Variants in PHKB observed in about 807,000 individuals in gnomAD.
PHKB encodes phosphorylase b kinase regulatory subunit beta.
PHKB carries 122 observed loss-of-function variants against 152.1 expected under a neutral mutation model. The ratio of observed to expected loss-of-function variants is 0.80; its 90% CI spans 0.69 to 0.93. The LOEUF (loss-of-function observed/expected upper bound fraction) is 0.93. Ranked by LOEUF, PHKB falls within the 40% of genes least tolerant of loss-of-function variation. The pLI, the probability that PHKB is intolerant of heterozygous loss-of-function variation, is 0.00. For missense variants in PHKB, 1,304 were observed against 1,328.4 expected, an observed-to-expected ratio of 0.98 and a Z score of 0.29; for synonymous variants, 436 against 464.9, an observed-to-expected ratio of 0.94 and a Z score of 0.80.
At chr16:47,500,369 C>G (rs1970305125) in intron 3 of PHKB, among the ~76,000 whole-genome samples, 1 of 152,116 alleles carries the variant, frequency 6.6e-6, no homozygotes, top group East Asian at 1.9e-4. Context: ...TTATATCAGA[C>G]CAGTTCTAAG....
chr16:47,685,296 A>G (rs1333683052), intron 26 of PHKB, among the ~76,000 whole-genome samples: 1 of 152,124 alleles, frequency 6.6e-6, no homozygotes, highest in Non-Finnish European at 1.5e-5. Context: ...GTGGTGGCGC[A>G]CGCCTGTAAT....
chr16:47,461,945 T>G (rs1047944319), intron 1 of PHKB, among the ~76,000 whole-genome samples: 6 of 152,136 alleles, frequency 3.9e-5, no homozygotes, highest in Non-Finnish European at 8.8e-5. Context: ...TAGCAGAAAC[T>G]GAAGGAGACT....
intron 26 of PHKB, among the ~76,000 whole-genome samples, chr16:47,680,354 C>T (rs1365535618): frequency 2.0e-5 from 3 of 152,284 alleles, no homozygotes; most frequent in African/African-American, 7.2e-5. Context: ...GTACCAGCTC[C>T]TCCTTGTACC....
chr16:47,614,303 A>C (rs1972479504), intron 14 of PHKB, among the ~76,000 whole-genome samples: 1 of 152,198 alleles, frequency 6.6e-6, no homozygotes, highest in Non-Finnish European at 1.5e-5. Flanking sequence ...CCCTACCTTC[A>C]ACACTGGAGA....
intron 26 of PHKB, among the ~76,000 whole-genome samples, chr16:47,671,444 TTTTC>T (rs1218134811): frequency 6.6e-6 from 1 of 152,176 alleles, no homozygotes; most frequent in African/African-American, 2.4e-5. Context: ...TTCATAATTG[TTTTC>T]TTTCTTTTAC....
intron 26 of PHKB, among the ~76,000 whole-genome samples, chr16:47,683,574 T>G (rs1414496884): frequency 6.6e-6 from 1 of 152,182 alleles, no homozygotes; most frequent in African/African-American, 2.4e-5. Flanking sequence ...AGGTGTGGGA[T>G]ATAATCTCCT....
chr16:47,648,434 T>C, intron 16 of PHKB, 99 bp from the exon 17 acceptor site: 1 of 887,716 alleles, frequency 1.1e-6, no homozygotes, highest in East Asian at 2.5e-5. Flanking sequence ...CTAGCTTCTT[T>C]CTCTCTGGAA....
At chr16:47,557,223 A>G (rs1971389472) in intron 7 of PHKB, among the ~76,000 whole-genome samples, 1 of 152,190 alleles carries the variant, frequency 6.6e-6, no homozygotes, top group Non-Finnish European at 1.5e-5. Flanking sequence ...ACCTTATACA[A>G]AAATTAATTC....
intron 6 of PHKB, among the ~76,000 whole-genome samples, chr16:47,532,500 A>G (rs1970878442): frequency 6.6e-6 from 1 of 152,202 alleles, no homozygotes; most frequent in South Asian, 2.1e-4. Context: ...AGGATGAGCC[A>G]GATGTGGAGT....
intron 29 of PHKB, among the ~76,000 whole-genome samples, 159 bp downstream of exon 29, chr16:47,696,647 T>C (rs1248384433): frequency 1.3e-5 from 2 of 152,060 alleles, no homozygotes; most frequent in African/African-American, 4.8e-5. Flanking sequence ...GGAACCTTGA[T>C]CTCTCCCAGC....
At chr16:47,665,668 C>A (rs578170464) in intron 25 of PHKB, 2 of 516,566 alleles carry the variant, frequency 3.9e-6, no homozygotes, top group South Asian at 4.2e-5. Context: ...ATTAGGTTTT[C>A]TTTTTTTGCT....
Position 47,566,156 on chromosome 16 carries a change from T to A in PHKB, c.711-14139T>A, listed in dbSNP as rs1462316068. Reference sequence around the variant, plus strand: ...CATCATAGCGATCCCAGTCGCCGTATCAATCCATATCCCTGCATGGGCCAT... The same window carrying A: ...CATCATAGCGATCCCAGTCGCCGTAACAATCCATATCCCTGCATGGGCCAT... On this transcript the variant is annotated intron_variant, in intron 7 of 30. Coordinates refer to ENST00000323584, the MANE Select transcript of PHKB (RefSeq NM_000293.3). 4.6e-6 allele frequency: 3 copies of A among 651,598 alleles called. No homozygotes were observed. The Admixed American group carries it at 7.3e-5, about 16-fold the overall frequency. 40.4% of individuals were successfully genotyped at this position (651,598 alleles called of 1,614,324 possible). A position where few individuals can be genotyped will look rare whatever the true frequency, so the allele number is the denominator to read the frequency against.
At chr16:47,563,709 GGAT>G (rs1404898540) in intron 7 of PHKB, among the ~76,000 whole-genome samples, 4 of 152,004 alleles carry the variant, frequency 2.6e-5, no homozygotes, top group Non-Finnish European at 5.9e-5. Context: ...TTGGTTACAT[GGAT>G]GAATTTTATA....
intron 14 of PHKB, among the ~76,000 whole-genome samples, chr16:47,618,348 C>A (rs1291275807): frequency 6.6e-6 from 1 of 152,102 alleles, no homozygotes; most frequent in Non-Finnish European, 1.5e-5. Context: ...GAGATGAGAA[C>A]TGAGAGCATA....
At chr16:47,671,719 C>G (rs1241441959) in intron 26 of PHKB, among the ~76,000 whole-genome samples, 1 of 152,086 alleles carries the variant, frequency 6.6e-6, no homozygotes, top group Non-Finnish European at 1.5e-5. Flanking sequence ...ACACAAGTAC[C>G]ATAAAGATAT....
intron 10 of PHKB, 136 bp from the exon 11 acceptor site, chr16:47,593,364 C>T: frequency 1.6e-6 from 1 of 611,374 alleles, no homozygotes; most frequent in South Asian, 1.9e-5. Flanking sequence ...CCCTTGAGCC[C>T]AGGAGGGCAA....
intron 26 of PHKB, among the ~76,000 whole-genome samples, chr16:47,677,357 A>G (rs1973750997): frequency 6.6e-6 from 1 of 152,246 alleles, no homozygotes; most frequent in South Asian, 2.1e-4. Flanking sequence ...GCAGCTTTCC[A>G]TCGTCTGTCA....
At chr16:47,475,457 C>T (rs914000169) in intron 1 of PHKB, among the ~76,000 whole-genome samples, 18 of 152,026 alleles carry the variant, frequency 1.2e-4, no homozygotes, top group Admixed American at 6.6e-5. Flanking sequence ...TTTTGAGTAA[C>T]GGAACATTCT....
intron 10 of PHKB, 88 bp from the exon 11 acceptor site, chr16:47,593,407 TCCAGC>T: frequency 1.3e-6 from 1 of 753,110 alleles, no homozygotes; most frequent in Non-Finnish European, 2.3e-6. Flanking sequence ...GCCACTGCAC[TCCAGC>T]CTGGGCCACA....
Sources: gnomAD v4.1 joint callset for allele counts (sites outside exome capture counted in the v4.1 genomes callset) on GRCh38, gnomAD v4.1.1 for gene constraint, MANE v1.5 for transcripts, NCBI Gene and HGNC (gene_info 2026-07-23, HGNC 2026-07-21) for gene names.